The following NXPE2 variants were observed in gnomAD, a reference collection of about 807,000 sequenced individuals.
The protein encoded by NXPE2 is NXPE family member 2.
In NXPE2, 34 loss-of-function variants were observed where a neutral mutation model predicts 34.4. That is an observed-to-expected ratio of 0.99 (90% CI 0.75 to 1.31). NXPE2 has a LOEUF of 1.31. Among genes scored for constraint, NXPE2 ranks in the 40% most tolerant of loss-of-function variants. NXPE2 has a pLI of 0.00. For synonymous variants in NXPE2, 235 were observed against 231.3 expected (o/e 1.02, Z -0.15); for missense variants, 649 against 672.5 (o/e 0.97, Z 0.39).
At chr11:114,474,271 A>G in the NXPE2 span, among the ~76,000 whole-genome samples, 1 of 152,216 alleles carries the variant, frequency 6.6e-6, no homozygotes, top group Admixed American at 6.5e-5. Context: ...GATGAGGTCA[A>G]CAAGGGAGTA....
At chr11:114,765,591 T>A in the NXPE2 span, among the ~76,000 whole-genome samples, 21 of 152,286 alleles carry the variant, frequency 1.4e-4, no homozygotes, top group African/African-American at 5.1e-4. Context: ...ATCCACAATA[T>A]CTCTGAGGTA....
At chr11:114,641,122 C>A in the NXPE2 span, among the ~76,000 whole-genome samples, 2 of 151,792 alleles carry the variant, frequency 1.3e-5, no homozygotes, top group African/African-American at 4.8e-5. Context: ...GTCTGGTGCA[C>A]GAGTAGAATG....
the NXPE2 span, among the ~76,000 whole-genome samples, chr11:114,591,590 A>G: frequency 6.6e-6 from 1 of 152,148 alleles, no homozygotes; most frequent in Non-Finnish European, 1.5e-5. Context: ...CCCCTGCAAA[A>G]ATAGAATGGG....
the NXPE2 span, among the ~76,000 whole-genome samples, chr11:114,572,456 A>T: frequency 6.6e-6 from 1 of 152,184 alleles, no homozygotes; most frequent in Admixed American, 6.5e-5. Context: ...TCCAACTTAA[A>T]TTAAAAACAT....
the NXPE2 span, among the ~76,000 whole-genome samples, chr11:114,650,522 C>T: frequency 2.0e-5 from 3 of 152,148 alleles, no homozygotes; most frequent in Non-Finnish European, 2.9e-5. Flanking sequence ...AAGCAACAGC[C>T]TTACATCAAT....
the NXPE2 span, among the ~76,000 whole-genome samples, chr11:114,491,537 A>G: frequency 6.6e-6 from 1 of 152,184 alleles, no homozygotes; most frequent in Non-Finnish European, 1.5e-5. Context: ...GTGGAGAAAT[A>G]GGAACACTTT....
intron 5 of NXPE2, 74 bp downstream of exon 5, chr11:114,706,070 C>T: frequency 1.8e-6 from 1 of 559,972 alleles, no homozygotes; most frequent in Non-Finnish European, 2.7e-6. Context: ...GAATTATTTG[C>T]TTTTCTTTTC....
the NXPE2 span, among the ~76,000 whole-genome samples, chr11:114,712,743 A>G: frequency 1.1e-4 from 16 of 152,222 alleles, no homozygotes; most frequent in African/African-American, 2.7e-4. Context: ...TAGAATTGCC[A>G]TACAATCCAA....
the NXPE2 span, among the ~76,000 whole-genome samples, chr11:114,802,069 G>A: frequency 1.3e-5 from 2 of 152,270 alleles, no homozygotes; most frequent in East Asian, 3.9e-4. Flanking sequence ...ACAAGAAAAT[G>A]GCTTGGGACT....
At chr11:114,632,703 T>C in the NXPE2 span, among the ~76,000 whole-genome samples, 1 of 77,732 alleles carries the variant, frequency 1.3e-5, no homozygotes, top group Non-Finnish European at 2.2e-5. Context: ...TATATTTATA[T>C]AATATAATAT....
chr11:114,797,935 C>T, the NXPE2 span, among the ~76,000 whole-genome samples: 550 of 152,282 alleles, frequency 3.6e-3, 2 homozygotes, highest in African/African-American at 0.012. Flanking sequence ...CGGATCTCCT[C>T]TTTGATGTCT....
At chr11:114,484,368 T>C in the NXPE2 span, among the ~76,000 whole-genome samples, 1 of 152,138 alleles carries the variant, frequency 6.6e-6, no homozygotes, top group South Asian at 2.1e-4. Context: ...GGGGGTAGAA[T>C]TGAGGACGTC....
At chr11:114,532,968 T>A in the NXPE2 span, among the ~76,000 whole-genome samples, 1 of 152,324 alleles carries the variant, frequency 6.6e-6, no homozygotes, top group East Asian at 1.9e-4. Context: ...TTTCAACATT[T>A]ACTTAGCATT....
the NXPE2 span, among the ~76,000 whole-genome samples, chr11:114,486,392 G>A: frequency 6.6e-6 from 1 of 152,078 alleles, no homozygotes; most frequent in Admixed American, 6.6e-5. Flanking sequence ...ATATATTCTG[G>A]TTATTAATGC....
the NXPE2 span, among the ~76,000 whole-genome samples, chr11:114,750,629 A>G: frequency 6.6e-6 from 1 of 152,206 alleles, no homozygotes; most frequent in African/African-American, 2.4e-5. Flanking sequence ...GACAAACATC[A>G]CTAAACAAAC....
the NXPE2 span, among the ~76,000 whole-genome samples, chr11:114,519,018 T>A: frequency 6.6e-6 from 1 of 152,192 alleles, no homozygotes; most frequent in African/African-American, 2.4e-5. Flanking sequence ...TTTCCAGATT[T>A]CCTTTTCTTA....
At chr11:114,588,710 C>T in the NXPE2 span, among the ~76,000 whole-genome samples, 1 of 152,022 alleles carries the variant, frequency 6.6e-6, no homozygotes, top group African/African-American at 2.4e-5. Context: ...AGAACTAAGG[C>T]CAAACCTCTT....
the NXPE2 span, among the ~76,000 whole-genome samples, chr11:114,598,172 G>C: frequency 6.6e-6 from 1 of 151,738 alleles, no homozygotes; most frequent in East Asian, 1.9e-4. Context: ...ACTCAGAAGA[G>C]CAGTCACTAA....
At chr11:114,726,496 G>A in the NXPE2 span, among the ~76,000 whole-genome samples, 2 of 152,020 alleles carry the variant, frequency 1.3e-5, no homozygotes, top group African/African-American at 4.8e-5. Context: ...ACAGGAATGA[G>A]CCACTGCACC....
Sources: allele counts gnomAD v4.1 joint callset (sites outside exome capture counted in the v4.1 genomes callset), GRCh38; gene constraint gnomAD v4.1.1; transcripts MANE v1.5; gene names NCBI Gene and HGNC (gene_info 2026-07-23, HGNC 2026-07-21).